LRCH3: variants seen among roughly 807,000 people sequenced by gnomAD.
LRCH3 encodes the protein leucine rich repeats and calponin homology domain containing 3.
LRCH3 carries 68 observed loss-of-function variants against 104.5 expected under a neutral mutation model. That is an observed-to-expected ratio of 0.65 (90% confidence interval 0.54 to 0.80). LRCH3 has a LOEUF of 0.80. Among genes scored for constraint, LRCH3 ranks in the 30% least tolerant of loss-of-function variants. The pLI is 0.00. For missense variants in LRCH3, 951 were observed against 953.9 expected, an observed-to-expected ratio of 1.00 and a Z score of 0.04; for synonymous variants, 344 against 361.3, an observed-to-expected ratio of 0.95 and a Z score of 0.54.
At chr3:197,830,949 C>T (rs911633825) in intron 7 of LRCH3, 86 bp downstream of exon 7, 1 of 1,131,012 alleles carries the variant, frequency 8.8e-7, no homozygotes, top group Non-Finnish European at 1.3e-6. Context: ...TAACTGGATT[C>T]AGTTTCTCAC....
chr3:197,870,401 T>C, intron 18 of LRCH3, 123 bp downstream of exon 18: 4 of 932,208 alleles, frequency 4.3e-6, no homozygotes, highest in Non-Finnish European at 6.2e-6. Flanking sequence ...AGTCTCACTC[T>C]GTCACCCAGG....
chr3:197,881,770 T>G (rs1268351408), intron 20 of LRCH3: 1 of 985,278 alleles, frequency 1.0e-6, no homozygotes, highest in African/African-American at 1.7e-5. Flanking sequence ...AAGGATGAAC[T>G]CAAGTGTGAA....
chr3:197,856,911 T>C lies in LRCH3; in HGVS notation c.1645-1923T>C, dbSNP rs1321598953. 6.6e-6 allele frequency among the ~76,000 whole-genome samples: 1 copy of C among 151,146 alleles called. No individual in the cohort carries two copies. The highest frequency in any genetic ancestry group is 1.5e-5 in the Non-Finnish European group (1 of 68,038). On this transcript the variant is annotated intron_variant, in intron 14 of 20. Coordinates refer to ENST00000425562, the MANE Select transcript of LRCH3 (RefSeq NM_001365715.1). This position sits in a 1 kb window ranked among gnomAD's most constrained non-coding sequence, Gnocchi z 4.2. ...TGATGAAAAGGTCTGATGAACGATA[T>C]CATAAGGTAAATGCTGAATTTGATT...
At chr3:197,800,050 G>A (rs115567980) in intron 1 of LRCH3, among the ~76,000 whole-genome samples, 2 of 151,546 alleles carry the variant, frequency 1.3e-5, no homozygotes, top group African/African-American at 2.4e-5. Flanking sequence ...TTAGCCAGGC[G>A]TGCTGGCAGG....
At chr3:197,816,927 G>T (rs1733867714) in intron 2 of LRCH3, among the ~76,000 whole-genome samples, 1 of 152,074 alleles carries the variant, frequency 6.6e-6, no homozygotes, top group African/African-American at 2.4e-5. Context: ...AGCCCTATAA[G>T]ATAGGTAGGG....
chr3:197,821,243 G>C (rs577489024), intron 4 of LRCH3, among the ~76,000 whole-genome samples: 3 of 152,304 alleles, frequency 2.0e-5, no homozygotes, highest in East Asian at 3.9e-4. Flanking sequence ...TAGAGTGAAT[G>C]ATAAATGGGG....
intron 1 of LRCH3, among the ~76,000 whole-genome samples, chr3:197,807,414 G>T (rs527357870): frequency 5.3e-5 from 8 of 151,882 alleles, no homozygotes; most frequent in African/African-American, 1.7e-4. Context: ...GTAGAGACGG[G>T]GTTTCACCGG....
rs565748682 is a variant in LRCH3 at position 197,795,278 on chromosome 3, A to G, written c.262+3738A>G. ...AGTCCCTTCTGGTAATAGTACTCCAATTTTCCTAGGGAACCACCCCTCTCA... is the reference window on the plus strand; with the variant it reads ...AGTCCCTTCTGGTAATAGTACTCCAGTTTTCCTAGGGAACCACCCCTCTCA... On this transcript the variant is annotated intron_variant, in intron 1 of 20. Coordinates refer to ENST00000425562, the MANE Select transcript of LRCH3 (RefSeq NM_001365715.1). 5.2e-4 allele frequency among the ~76,000 whole-genome samples: 79 copies of G among 152,144 alleles called. 1 individual carries two copies. The South Asian group carries it at 0.011, about 21-fold the overall frequency.
chr3:197,848,726 G>A (rs954987464), intron 12 of LRCH3, among the ~76,000 whole-genome samples: 5 of 152,142 alleles, frequency 3.3e-5, no homozygotes, highest in African/African-American at 1.2e-4. Flanking sequence ...CATAGTAATG[G>A]TCAATAAGTA....
At chr3:197,877,694 G>T (rs1256333256) in intron 20 of LRCH3, among the ~76,000 whole-genome samples, 1 of 152,196 alleles carries the variant, frequency 6.6e-6, no homozygotes, top group African/African-American at 2.4e-5. Flanking sequence ...CAGCCAGCAG[G>T]ATTCCCAGGA....
chr3:197,803,559 G>T (rs184156126), intron 1 of LRCH3, among the ~76,000 whole-genome samples: 2 of 152,186 alleles, frequency 1.3e-5, no homozygotes, highest in African/African-American at 2.4e-5. Context: ...CAGCTACTTG[G>T]GAGGCTGAGG....
At chr3:197,850,575 C>G (rs115153164) in intron 12 of LRCH3, 1 of 1,585,728 alleles carries the variant, frequency 6.3e-7, no homozygotes, top group African/African-American at 1.3e-5. Flanking sequence ...GTAGGTCCGG[C>G]GGCACATCTC....
At chr3:197,817,885 A>G (rs962650889) in intron 3 of LRCH3, among the ~76,000 whole-genome samples, 1 of 152,158 alleles carries the variant, frequency 6.6e-6, no homozygotes, top group Admixed American at 6.6e-5. Flanking sequence ...CAGTGGCGCA[A>G]TCTCGGCTTA....
At chr3:197,855,817 T>C (rs1038146716) in intron 14 of LRCH3, among the ~76,000 whole-genome samples, 4 of 152,328 alleles carry the variant, frequency 2.6e-5, no homozygotes, top group Non-Finnish European at 5.9e-5. Flanking sequence ...TATCTGATCC[T>C]CCAAATTAGA....
intron 3 of LRCH3, among the ~76,000 whole-genome samples, chr3:197,818,786 GTTAA>G (rs1330794698): frequency 6.6e-6 from 1 of 152,120 alleles, no homozygotes; most frequent in Non-Finnish European, 1.5e-5. Flanking sequence ...TACAAAAGAG[GTTAA>G]TTGATATCCT....
Position 197,850,598 on chromosome 3 carries a change from C to T in LRCH3, c.1531-1963C>T, listed in dbSNP as rs558492101. The T allele has an allele frequency of 5.0e-6, 8 of 1,585,432 alleles. No individual in the cohort carries two copies. The African/African-American group carries it at 9.4e-5, about 19-fold the overall frequency. Reference sequence around the variant, plus strand: ...GGCGGCACATCTCAGGTGCTTTGTTCACTTGGATATGCTCAATGACCAGAG... The same window carrying T: ...GGCGGCACATCTCAGGTGCTTTGTTTACTTGGATATGCTCAATGACCAGAG... On this transcript the variant is annotated intron_variant, in intron 12 of 20. Transcript: ENST00000425562.
At chr3:197,826,043 T>C (rs1227568992) in intron 4 of LRCH3, among the ~76,000 whole-genome samples, 1 of 152,202 alleles carries the variant, frequency 6.6e-6, no homozygotes, top group African/African-American at 2.4e-5. Flanking sequence ...TTCCTTTTTT[T>C]GGTTAGTTAG....
intron 20 of LRCH3, among the ~76,000 whole-genome samples, chr3:197,878,539 G>A (rs560314346): frequency 1.4e-4 from 21 of 152,078 alleles, no homozygotes; most frequent in Admixed American, 3.9e-4. Context: ...CTCCTTCTCC[G>A]TCACCAGAAA....
In LRCH3 at chr3:197,826,928, A is replaced by G; in HGVS notation, c.691A>G (p.Thr231Ala). ...IRLDFSCNKI[T>A]TIPVCYRNLR... ...GTTAGACTTCTCATGCAATAAAATT[A>G]CCACAATCCCTGTTTGTTATCGGAA... is the stretch of plus-strand genomic sequence containing the variant. The change falls in exon 5 of 21, where the codon ACC becomes GCC. Residue 231 changes from threonine (T) to alanine (A), a missense_variant. By Grantham distance (58) the Thr-to-Ala change is moderately conservative (BLOSUM62 0). Transcript: ENST00000425562. The G allele has an allele frequency of 6.2e-7, 1 of 1,614,110 alleles. No individual in the cohort carries two copies. The highest frequency in any genetic ancestry group is 8.5e-7 in the Non-Finnish European group (1 of 1,180,016).
Sources: gnomAD v4.1 joint callset for allele counts (sites outside exome capture counted in the v4.1 genomes callset) on GRCh38, gnomAD v4.1.1 for gene constraint, Gnocchi (gnomAD v3.1) non-coding constraint, MANE v1.5 for transcripts, NCBI Gene and HGNC (gene_info 2026-07-23, HGNC 2026-07-21) for gene names.